DPYD: variants seen among roughly 807,000 people sequenced by gnomAD.
DPYD encodes the protein dihydropyrimidine dehydrogenase.
DPYD carries 109 observed loss-of-function variants against 116.2 expected under a neutral mutation model. That is an observed-to-expected ratio of 0.94 (90% CI 0.80 to 1.10). The LOEUF is 1.10. Among genes scored for constraint, DPYD ranks in the 50% least tolerant of loss-of-function variants. The pLI, the probability that DPYD is intolerant of heterozygous loss-of-function variation, is 0.00. For missense variants in DPYD, 1,302 were observed against 1,254.5 expected (o/e 1.04, Z -0.57); for synonymous variants, 440 against 432.0 (o/e 1.02, Z -0.23).
intron 18 of DPYD, among the ~76,000 whole-genome samples, chr1:97,256,779 T>G (rs1350328197): frequency 3.9e-5 from 6 of 152,114 alleles, no homozygotes; most frequent in Non-Finnish European, 8.8e-5. Flanking sequence ...CTCAGACACC[T>G]TAGCACTAAG....
intron 20 of DPYD, among the ~76,000 whole-genome samples, chr1:97,122,842 A>G (rs1652554646): frequency 6.6e-6 from 1 of 152,064 alleles, no homozygotes; most frequent in Admixed American, 6.6e-5. Flanking sequence ...TGACAATAAA[A>G]CTGTATGTGG....
intron 18 of DPYD, among the ~76,000 whole-genome samples, chr1:97,294,442 C>T (rs1428056799): frequency 6.6e-6 from 1 of 152,152 alleles, no homozygotes; most frequent in Non-Finnish European, 1.5e-5. Flanking sequence ...ATGTCCTTCT[C>T]TTTTTCCTCA....
At chr1:97,234,824 A>T in intron 19 of DPYD, 28 bp downstream of exon 19, 1 of 1,613,078 alleles carries the variant, frequency 6.2e-7, no homozygotes, top group South Asian at 1.1e-5. Flanking sequence ...GGAGATTTTT[A>T]AAAGGGACAG....
chr1:97,626,199 A>G (rs1244340380), intron 8 of DPYD, among the ~76,000 whole-genome samples: 1 of 152,020 alleles, frequency 6.6e-6, no homozygotes, highest in Non-Finnish European at 1.5e-5. Flanking sequence ...AGTCTCTTGC[A>G]TTTTGTCAGC....
chr1:97,900,635 C>T (rs1234042165), intron 1 of DPYD, among the ~76,000 whole-genome samples: 1 of 151,892 alleles, frequency 6.6e-6, no homozygotes. Flanking sequence ...AAAAGTAATT[C>T]ATTTTCATCT....
At chr1:97,337,838 T>C (rs1669380661) in intron 16 of DPYD, among the ~76,000 whole-genome samples, 1 of 152,144 alleles carries the variant, frequency 6.6e-6, no homozygotes, top group South Asian at 2.1e-4. Context: ...ACTGTGCCAA[T>C]ACTGGGCAAG....
intron 8 of DPYD, among the ~76,000 whole-genome samples, chr1:97,599,425 GA>G (rs147162531): frequency 0.063 from 9,275 of 146,678 alleles, 324 homozygotes; most frequent in Middle Eastern, 0.14. Context: ...AGTAATAAGA[GA>G]AAAAAAAAAG....
intron 18 of DPYD, among the ~76,000 whole-genome samples, chr1:97,245,953 G>A (rs1453956455): frequency 6.6e-6 from 1 of 152,042 alleles, no homozygotes; most frequent in Non-Finnish European, 1.5e-5. Context: ...TCTGTGATAA[G>A]GCTGTGTCCC....
intron 3 of DPYD, among the ~76,000 whole-genome samples, chr1:97,760,901 G>C (rs538853156): frequency 6.6e-6 from 1 of 152,162 alleles, no homozygotes; most frequent in Admixed American, 6.5e-5. Context: ...CAGGTGGATA[G>C]GACTGATCTT....
intron 3 of DPYD, among the ~76,000 whole-genome samples, chr1:97,820,641 A>T (rs575886680): frequency 8.5e-5 from 13 of 152,282 alleles, no homozygotes; most frequent in Admixed American, 7.8e-4. Flanking sequence ...ACTCAACATC[A>T]CCATCTAGTG....
At chr1:97,393,153 T>C (rs1672808502) in intron 14 of DPYD, among the ~76,000 whole-genome samples, 1 of 152,102 alleles carries the variant, frequency 6.6e-6, no homozygotes, top group African/African-American at 2.4e-5. Context: ...GTCTAGTTTT[T>C]GCCCTATCTC....
chr1:97,236,253 T>G (rs909612405), intron 18 of DPYD, among the ~76,000 whole-genome samples: 2 of 152,126 alleles, frequency 1.3e-5, no homozygotes, highest in Non-Finnish European at 2.9e-5. Context: ...AAATAACTGG[T>G]TCAGCCTCAC....
At chr1:97,332,200 G>A (rs1263043441) in intron 16 of DPYD, among the ~76,000 whole-genome samples, 2 of 152,128 alleles carry the variant, frequency 1.3e-5, no homozygotes, top group African/African-American at 4.8e-5. Context: ...TCTCTACAAT[G>A]AGGCACACAT....
chr1:97,860,502 C>G (rs1476447582), intron 2 of DPYD, among the ~76,000 whole-genome samples: 5 of 151,836 alleles, frequency 3.3e-5, no homozygotes, highest in Non-Finnish European at 7.4e-5. Context: ...TAGTGGAAAC[C>G]AACACATAGC....
chr1:97,662,249 G>A (rs1205334066), intron 8 of DPYD, among the ~76,000 whole-genome samples: 2 of 150,992 alleles, frequency 1.3e-5, no homozygotes, highest in East Asian at 2.0e-4. Context: ...TGATCCACCC[G>A]CCTCGGCCTC....
intron 20 of DPYD, among the ~76,000 whole-genome samples, chr1:97,133,031 C>T (rs1357595022): frequency 6.6e-6 from 1 of 151,762 alleles, no homozygotes; most frequent in Non-Finnish European, 1.5e-5. Flanking sequence ...CTTAGTTTTC[C>T]TTTCAATTTT....
intron 14 of DPYD, among the ~76,000 whole-genome samples, chr1:97,439,548 T>C (rs1302506246): frequency 1.3e-5 from 2 of 152,172 alleles, no homozygotes; most frequent in Non-Finnish European, 2.9e-5. Context: ...ATCTGTAGAA[T>C]CTGCAGTGAT....
At chr1:97,544,950 T>C (rs1410448310) in intron 12 of DPYD, among the ~76,000 whole-genome samples, 4 of 152,176 alleles carry the variant, frequency 2.6e-5, no homozygotes, top group African/African-American at 9.7e-5. Context: ...ACCTCATCTC[T>C]TATCCCTTGA....
At chr1:97,190,102 C>A (rs1296991231) in intron 20 of DPYD, among the ~76,000 whole-genome samples, 1 of 152,170 alleles carries the variant, frequency 6.6e-6, no homozygotes, top group African/African-American at 2.4e-5. Context: ...ATAAATCCAG[C>A]AGTCTTACTA....
Sources: gnomAD v4.1 joint callset for allele counts (sites outside exome capture counted in the v4.1 genomes callset) on GRCh38, gnomAD v4.1.1 for gene constraint, MANE v1.5 for transcripts, NCBI Gene and HGNC (gene_info 2026-07-23, HGNC 2026-07-21) for gene names.